HTR4: variants seen among roughly 807,000 people sequenced by gnomAD.
The protein encoded by HTR4 is 5-hydroxytryptamine (serotonin) receptor 4, G protein-coupled.
Under a neutral mutation model 36.8 loss-of-function variants are expected in HTR4, and 16 were observed. The observed-to-expected ratio is 0.43, with a 90% confidence interval of 0.29 to 0.66. The LOEUF is 0.66. HTR4 is among the 30% of genes least tolerant of loss of function. The probability of loss-of-function intolerance (pLI) is 0.13; values close to 1 mark genes in which losing one functional copy is unlikely to be tolerated. For missense variants in HTR4, 438 were observed against 490.9 expected, an observed-to-expected ratio of 0.89 and a Z score of 1.02; for synonymous variants, 189 against 185.1, an observed-to-expected ratio of 1.02 and a Z score of -0.17.
chr5:148,502,197 T>A (rs948581513), intron 6 of HTR4, among the ~76,000 whole-genome samples: 7 of 152,124 alleles, frequency 4.6e-5, no homozygotes, highest in Non-Finnish European at 8.8e-5. Flanking sequence ...ACAGACTGCC[T>A]CCTCAAGTGG....
chr5:148,608,947 C>T (rs1752292824), intron 2 of HTR4, among the ~76,000 whole-genome samples: 1 of 152,116 alleles, frequency 6.6e-6, no homozygotes, highest in Admixed American at 6.5e-5. Context: ...AGTCAGGATG[C>T]TACATATTCT....
At chr5:148,459,796 C>T (rs1169352457) in intron 5 of HTR4, among the ~76,000 whole-genome samples, 3 of 152,138 alleles carry the variant, frequency 2.0e-5, no homozygotes, top group Non-Finnish European at 4.4e-5. Context: ...GAGAGGCCAG[C>T]TTAAGCATCA....
Position 148,464,165 on chromosome 5 carries a change from T to C in HTR4, c.1077-12893A>G, listed in dbSNP as rs969646163. 2.0e-5 allele frequency among the ~76,000 whole-genome samples: 3 copies of C among 151,924 alleles called. No homozygotes were observed. In the East Asian group the frequency reaches 5.8e-4, roughly 29 times the overall value. ...CTAGAAGATAGCTTAGGAAAAAATCTAGACAACTGTTGGTTTGGTGACAAC... is the reference window on the plus strand; with the variant it reads ...CTAGAAGATAGCTTAGGAAAAAATCCAGACAACTGTTGGTTTGGTGACAAC... On this transcript the variant is annotated intron_variant, in intron 5 of 5. Transcript: ENST00000521530.
chr5:148,577,215 G>A (rs1760959738), intron 2 of HTR4, among the ~76,000 whole-genome samples: 1 of 152,020 alleles, frequency 6.6e-6, no homozygotes, highest in Non-Finnish European at 1.5e-5. Context: ...ATATGGAAAA[G>A]AAGCTCAATA....
chr5:148,484,599 C>A (rs1010841884), intron 6 of HTR4, among the ~76,000 whole-genome samples: 6 of 152,194 alleles, frequency 3.9e-5, no homozygotes, highest in Non-Finnish European at 7.3e-5. Context: ...AGATATGACA[C>A]ATCTTGGCTC....
intron 6 of HTR4, among the ~76,000 whole-genome samples, chr5:148,486,757 G>A (rs995622730): frequency 7.9e-5 from 12 of 152,132 alleles, no homozygotes; most frequent in African/African-American, 2.2e-4. Flanking sequence ...AAGAGGTTTC[G>A]CTGGAAACAC....
chr5:148,555,998 G>A (rs975068594), intron 2 of HTR4, among the ~76,000 whole-genome samples: 1 of 151,582 alleles, frequency 6.6e-6, no homozygotes, highest in African/African-American at 2.4e-5. Context: ...ATACTTTCTG[G>A]AGAGTCAAGA....
At chr5:148,623,258 C>A (rs1752978005) in intron 2 of HTR4, among the ~76,000 whole-genome samples, 1 of 152,080 alleles carries the variant, frequency 6.6e-6, no homozygotes, top group Admixed American at 6.5e-5. Context: ...AAGCTCCTTG[C>A]CCCCAGGTCC....
chr5:148,480,771 A>T (rs532910349), downstream of HTR4, among the ~76,000 whole-genome samples: 182 of 152,314 alleles, frequency 1.2e-3, no homozygotes, highest in Admixed American at 2.6e-3. Flanking sequence ...CTTTATCAAC[A>T]TAGAAACTTA....
At chr5:148,478,193 T>C (rs915072178), downstream of HTR4, among the ~76,000 whole-genome samples, 4 of 152,252 alleles carry the variant, frequency 2.6e-5, no homozygotes, top group South Asian at 6.2e-4. Context: ...AGAATTAAAC[T>C]ATAGCAAATA....
intron 2 of HTR4, among the ~76,000 whole-genome samples, chr5:148,577,412 T>A (rs540324806): frequency 1.5e-3 from 228 of 152,226 alleles, no homozygotes; most frequent in African/African-American, 5.2e-3. Context: ...AGTATAGTGA[T>A]TCCGCAAAGA....
intron 1 of HTR4, among the ~76,000 whole-genome samples, chr5:148,648,703 C>A: frequency 6.6e-6 from 1 of 151,846 alleles, no homozygotes; most frequent in East Asian, 1.9e-4. Flanking sequence ...TTACCGCAAC[C>A]ACAAGGATGA....
chr5:148,544,683 GA>G (rs891844732), intron 4 of HTR4, among the ~76,000 whole-genome samples: 1 of 152,092 alleles, frequency 6.6e-6, no homozygotes, highest in Non-Finnish European at 1.5e-5. Context: ...TTATGCTTTG[GA>G]AATTATTTTT....
chr5:148,638,427 G>A (rs1753620983), intron 1 of HTR4, among the ~76,000 whole-genome samples: 1 of 152,180 alleles, frequency 6.6e-6, no homozygotes, highest in Non-Finnish European at 1.5e-5. Flanking sequence ...CTCTTTCCTT[G>A]TCTATCTAAA....
At chr5:148,503,089 C>T (rs563136782) in intron 6 of HTR4, among the ~76,000 whole-genome samples, 27 of 152,306 alleles carry the variant, frequency 1.8e-4, no homozygotes, top group Non-Finnish European at 3.4e-4. Context: ...TCCAGGAGAA[C>T]TTCCCCAACC....
At chr5:148,595,607 T>C (rs1037946238) in intron 2 of HTR4, among the ~76,000 whole-genome samples, 7 of 152,162 alleles carry the variant, frequency 4.6e-5, no homozygotes, top group African/African-American at 1.7e-4. Context: ...CATATATTTG[T>C]GTTCTTTTAA....
chr5:148,587,831 C>T (rs1036378777), intron 2 of HTR4, among the ~76,000 whole-genome samples: 3 of 152,128 alleles, frequency 2.0e-5, no homozygotes, highest in Non-Finnish European at 4.4e-5. Context: ...CCCCATCCTC[C>T]CACCTGGCTC....
At chr5:148,532,511 T>A (rs1317146667) in intron 4 of HTR4, among the ~76,000 whole-genome samples, 4 of 152,222 alleles carry the variant, frequency 2.6e-5, no homozygotes, top group African/African-American at 7.2e-5. Context: ...TGAACAGGCA[T>A]ATCTAGCAGA....
intron 4 of HTR4, 95 bp from the exon 5 acceptor site, chr5:148,523,441 G>C: frequency 2.0e-6 from 2 of 993,546 alleles, no homozygotes; most frequent in Admixed American, 3.3e-5. Context: ...GGGAGGAAGA[G>C]GGGATGGAGC....
Sources: allele counts gnomAD v4.1 joint callset (sites outside exome capture counted in the v4.1 genomes callset), GRCh38; gene constraint gnomAD v4.1.1; transcripts MANE v1.5; gene names NCBI Gene and HGNC (gene_info 2026-07-23, HGNC 2026-07-21).